The following ANKS1B variants were observed in gnomAD, a reference collection of about 807,000 sequenced individuals.
ANKS1B encodes ankyrin repeat and sterile alpha motif domain-containing protein 1B.
In ANKS1B, 36 loss-of-function variants were observed where a neutral mutation model predicts 148.3. The ratio of observed to expected loss-of-function variants is 0.24; its 90% CI spans 0.19 to 0.32. ANKS1B has a LOEUF of 0.32. ANKS1B is among the 10% of genes least tolerant of loss of function. ANKS1B has a pLI of 1.00. For missense variants in ANKS1B, 1,157 were observed against 1,542.6 expected (o/e 0.75, Z 4.19); for synonymous variants, 542 against 560.8 (o/e 0.97, Z 0.47).
At chr12:98,880,562 C>G (rs537054583) in intron 17 of ANKS1B, among the ~76,000 whole-genome samples, 1 of 151,918 alleles carries the variant, frequency 6.6e-6, no homozygotes, top group East Asian at 1.9e-4. Flanking sequence ...GTCAGGAGAT[C>G]GAGACCATCC....
Position 99,246,750 on chromosome 12 carries a change from T to C in ANKS1B, c.1871A>G (p.His624Arg), listed in dbSNP as rs761967477. Residue 624 changes from histidine (H) to arginine (R), a missense_variant, in exon 13 of 27, where the codon CAT (histidine) becomes CGT (arginine). Coordinates refer to ENST00000683438, the MANE Select transcript of ANKS1B (RefSeq NM_001352186.2). ...PACESPENPF[H>R]LYGKREQCEK... is the part of the protein sequence containing the mutation. ...ACATTGTTCTCTTTTCCCATAGAGATGAAATGGATTTTCAGGGGACTCACA... is the reference window on the plus strand; with the variant it reads ...ACATTGTTCTCTTTTCCCATAGAGACGAAATGGATTTTCAGGGGACTCACA... 109 of 1,613,796 alleles carry C rather than the reference T, an allele frequency of 6.8e-5. No individual in the cohort carries two copies. Among genetic ancestry groups the C allele is most frequent in the Non-Finnish European group, 8.6e-5 (101 of 1,179,882 alleles).
intron 17 of ANKS1B, chr12:99,048,613 A>G (rs1203013527): frequency 6.5e-6 from 1 of 152,676 alleles, no homozygotes; most frequent in Non-Finnish European, 1.5e-5. Context: ...GAGTAGTATA[A>G]TAAGTGTGGA....
intron 10 of ANKS1B, among the ~76,000 whole-genome samples, chr12:99,472,093 C>T (rs1567170297): frequency 1.3e-5 from 2 of 152,014 alleles, no homozygotes; most frequent in African/African-American, 2.4e-5. Flanking sequence ...TAAACCTAAC[C>T]ACCACAGTAA....
chr12:99,978,735 T>C (rs2095657199), intron 1 of ANKS1B, among the ~76,000 whole-genome samples: 1 of 152,186 alleles, frequency 6.6e-6, no homozygotes, highest in Non-Finnish European at 1.5e-5. Context: ...ATGAGCTGAA[T>C]CCTAAATCTG....
chr12:99,624,811 T>G (rs970513586), intron 9 of ANKS1B, among the ~76,000 whole-genome samples: 3 of 152,118 alleles, frequency 2.0e-5, no homozygotes, highest in Non-Finnish European at 4.4e-5. Context: ...TGTAAACTAC[T>G]TCTGCCACTG....
chr12:98,932,355 G>A (rs1016228742), intron 17 of ANKS1B, among the ~76,000 whole-genome samples: 4 of 152,152 alleles, frequency 2.6e-5, no homozygotes, highest in African/African-American at 9.7e-5. Flanking sequence ...GTTCTGAAAA[G>A]CTCCCACTAA....
At chr12:98,971,761 G>C (rs1240549351) in intron 17 of ANKS1B, among the ~76,000 whole-genome samples, 1 of 152,156 alleles carries the variant, frequency 6.6e-6, no homozygotes, top group Non-Finnish European at 1.5e-5. Flanking sequence ...TGCACAAAAG[G>C]CTGAAGAACA....
At chr12:99,184,402 G>T (rs1269843900) in intron 14 of ANKS1B, among the ~76,000 whole-genome samples, 1 of 152,156 alleles carries the variant, frequency 6.6e-6, no homozygotes, top group African/African-American at 2.4e-5. Flanking sequence ...CTCCATTTGG[G>T]TTCAAGCATA....
chr12:99,837,337 T>A (rs1388179852), intron 1 of ANKS1B, among the ~76,000 whole-genome samples: 1 of 152,214 alleles, frequency 6.6e-6, no homozygotes, highest in East Asian at 1.9e-4. Flanking sequence ...TGTGTTATTC[T>A]AAGCCACTAC....
chr12:99,692,668 C>CGAA (rs758044309), intron 8 of ANKS1B, among the ~76,000 whole-genome samples: 1 of 128,432 alleles, frequency 7.8e-6, no homozygotes, highest in Non-Finnish European at 1.6e-5. Flanking sequence ...AAGATTCTGT[C>CGAA]AAAAAAAAAA....
chr12:99,799,293 T>C (rs2066643503), intron 4 of ANKS1B, among the ~76,000 whole-genome samples: 2 of 152,076 alleles, frequency 1.3e-5, no homozygotes, highest in South Asian at 2.1e-4. Flanking sequence ...CCCTACATTC[T>C]GTTTCTTGTA....
chr12:99,777,909 T>G (rs542728177), intron 6 of ANKS1B, among the ~76,000 whole-genome samples: 3 of 151,622 alleles, frequency 2.0e-5, no homozygotes, highest in South Asian at 2.1e-4. Context: ...AAAAGTTCAG[T>G]GAGAGGCAGC....
At chr12:99,235,428 T>C (rs939504083) in intron 14 of ANKS1B, among the ~76,000 whole-genome samples, 17 of 152,190 alleles carry the variant, frequency 1.1e-4, no homozygotes, top group African/African-American at 3.4e-4. Flanking sequence ...CACTCTATCT[T>C]TGAATAAAGA....
At chr12:98,831,179 C>T (rs1455403552) in intron 18 of ANKS1B, 1 of 151,968 alleles carries the variant, frequency 6.6e-6, no homozygotes, top group Non-Finnish European at 1.5e-5. Flanking sequence ...GATCTCCTGA[C>T]CTCATGACCC....
At chr12:99,045,955 G>A (rs2099962033) in intron 17 of ANKS1B, among the ~76,000 whole-genome samples, 1 of 152,144 alleles carries the variant, frequency 6.6e-6, no homozygotes, top group South Asian at 2.1e-4. Flanking sequence ...AGGGAGTTCT[G>A]ATCAGTACAT....
chr12:99,962,642 T>C (rs527428146), intron 1 of ANKS1B, among the ~76,000 whole-genome samples: 6 of 152,348 alleles, frequency 3.9e-5, no homozygotes, highest in East Asian at 1.9e-4. Context: ...TCAACAATGA[T>C]TGAACTAATT....
chr12:99,470,838 CATACTTTGGTTACCTG>C (rs1297021797), intron 10 of ANKS1B, among the ~76,000 whole-genome samples: 2 of 152,092 alleles, frequency 1.3e-5, no homozygotes, highest in East Asian at 3.9e-4. Flanking sequence ...GCCAGGAACC[CATACTTTGGTTACCTG>C]ATATTTTGGC....
chr12:99,352,664 C>T (rs1034350280), intron 12 of ANKS1B, among the ~76,000 whole-genome samples: 8 of 152,020 alleles, frequency 5.3e-5, no homozygotes, highest in Admixed American at 5.3e-4. Context: ...CCATCCCCAT[C>T]AGGCAAAAGA....
chr12:99,751,756 AACT>A (rs376706444), intron 8 of ANKS1B, among the ~76,000 whole-genome samples: 1 of 152,110 alleles, frequency 6.6e-6, no homozygotes, highest in African/African-American at 2.4e-5. Flanking sequence ...CAGAATTTAT[AACT>A]ACTTACTACA....
Sources: gnomAD v4.1 joint callset for allele counts (sites outside exome capture counted in the v4.1 genomes callset) on GRCh38, gnomAD v4.1.1 for gene constraint, MANE v1.5 for transcripts, NCBI Gene and HGNC (gene_info 2026-07-23, HGNC 2026-07-21) for gene names.